PPP2R1B: variants seen among roughly 807,000 people sequenced by gnomAD.
PPP2R1B encodes the protein serine/threonine-protein phosphatase 2A 65 kDa regulatory subunit A beta isoform.
A neutral mutation model predicts 72.7 loss-of-function variants in PPP2R1B; 58 were observed. That is an observed-to-expected ratio of 0.80 (90% CI 0.65 to 0.99). PPP2R1B has a LOEUF of 0.99. Among genes scored for constraint, PPP2R1B ranks in the 50% least tolerant of loss-of-function variants. The pLI is 0.00. For synonymous variants in PPP2R1B, 256 were observed against 264.6 expected (o/e 0.97, Z 0.32); for missense variants, 695 against 733.6 (o/e 0.95, Z 0.61).
chr11:111,703,782 G>A, the PPP2R1B span, among the ~76,000 whole-genome samples: 1 of 152,144 alleles, frequency 6.6e-6, no homozygotes, highest in Non-Finnish European at 1.5e-5. Context: ...TAGGCAAAGG[G>A]CCAAGCAGGA....
At chr11:111,717,642 A>G in the PPP2R1B span, among the ~76,000 whole-genome samples, 1 of 152,230 alleles carries the variant, frequency 6.6e-6, no homozygotes, top group African/African-American at 2.4e-5. Flanking sequence ...TACATGCATG[A>G]GTCTGCTCGT....
rs1945058645 is a variant in PPP2R1B, at chr11:111,755,220, A to T, written c.843+75T>A. The T allele has an allele frequency of 4.3e-5, 67 of 1,543,272 alleles. 1 individual carries two copies. The South Asian group carries it at 7.2e-4, about 17-fold the overall frequency. ...ACTTCCCATTGAAAAGAATTAATTC[A>T]GAAACTTTGGGTACAACAGCAAATC... On this transcript the variant is annotated intron_variant, in intron 6 of 14. Transcript: ENST00000527614.
In PPP2R1B at chr11:111,742,214, G is replaced by A; in HGVS notation, c.1698-70C>T. 3 of 1,166,474 alleles carry A rather than the reference G, an allele frequency of 2.6e-6. No homozygotes were observed. The South Asian group carries it at 4.1e-5, about 16-fold the overall frequency. 72.3% of individuals were successfully genotyped at this position (1,166,474 alleles called of 1,614,324 possible). A position where few individuals can be genotyped will look rare whatever the true frequency, so the allele number is the denominator to read the frequency against. ...ATAGAAATCCTTTTTGGTGTATATGGTTAATGGTAATTGTTAAAATTTAAA... is the reference window on the plus strand; with the variant it reads ...ATAGAAATCCTTTTTGGTGTATATGATTAATGGTAATTGTTAAAATTTAAA... On this transcript the variant is annotated intron_variant, in intron 13 of 14. Transcript: ENST00000527614.
At position 111,740,791 on chromosome 11, in the gene PPP2R1B, C is replaced by A. The variant is rs1591676043; in HGVS notation, c.*805G>T. 1.0e-6 allele frequency: 1 copy of A among 985,228 alleles called. No homozygotes were observed. The highest frequency in any genetic ancestry group is 1.2e-6 in the Non-Finnish European group (1 of 829,876). The allele number at this position is 985,228 out of a possible 1,614,324, so 61.0% of individuals were successfully genotyped here. ...TATCCCTGTGGTTCTTAGACTCATT[C>A]GAAATACAGAACTGCAATCTCACAA... On this transcript the variant is annotated 3_prime_UTR_variant, in exon 15 of 15. Transcript: ENST00000527614.
At chr11:111,716,001 C>T in the PPP2R1B span, among the ~76,000 whole-genome samples, 9 of 152,064 alleles carry the variant, frequency 5.9e-5, no homozygotes, top group Non-Finnish European at 8.8e-5. Context: ...GGGGTTTTGC[C>T]ATGTTGGCCA....
chr11:111,742,791 A>T (rs1024979248), intron 12 of PPP2R1B, 126 bp from the exon 13 acceptor site: 1 of 799,922 alleles, frequency 1.3e-6, no homozygotes, highest in Non-Finnish European at 1.8e-6. Context: ...TGAGCAGCTG[A>T]GTGGGGGACA....
chr11:111,688,228 A>C, the PPP2R1B span: 17 of 1,537,288 alleles, frequency 1.1e-5, no homozygotes, highest in Non-Finnish European at 1.4e-5. The surrounding 1 kb of genome is among the most constrained non-coding windows in gnomAD (Gnocchi z 4.2). Context: ...GTGTGGAAAC[A>C]GACCTGCAGG....
the PPP2R1B span, among the ~76,000 whole-genome samples, chr11:111,690,187 G>T: frequency 6.6e-6 from 1 of 150,676 alleles, no homozygotes; most frequent in South Asian, 2.1e-4. Flanking sequence ...CCAACCTTCT[G>T]TGAGGAACTT....
At position 111,737,917 on chromosome 11, in the gene PPP2R1B, C is replaced by G. The variant is rs934183644; in HGVS notation, c.*3679G>C. 2.8e-6 allele frequency: 3 copies of G among 1,054,130 alleles called. No individual in the cohort carries two copies. Among genetic ancestry groups the G allele is most frequent in the African/African-American group, 1.6e-5 (1 of 60,730 alleles). The allele number at this position is 1,054,130 out of a possible 1,614,324, so 65.3% of individuals were successfully genotyped here. ...CAGTTTAAGAGAACAACTCTGGAGA[C>G]AGAAATGGCTTGGCTTTCCGACGCA... On this transcript the variant is annotated 3_prime_UTR_variant, in exon 15 of 15. Coordinates refer to ENST00000527614, the MANE Select transcript of PPP2R1B (RefSeq NM_002716.5).
At chr11:111,749,452 A>C (rs879999226) in intron 10 of PPP2R1B, among the ~76,000 whole-genome samples, 1 of 151,752 alleles carries the variant, frequency 6.6e-6, no homozygotes, top group Non-Finnish European at 1.5e-5. Context: ...ACACCCGGCT[A>C]AATTTTTTGT....
Position 111,766,384 on chromosome 11 carries a change from G to GTTCTCC in PPP2R1B, c.-24_-23insGGAGAA. Reference sequence around the variant, plus strand: ...CATGTTCTTTCTCCTCCTGCTGCTGGTCACCGCCTCCCGCCCCGCGCCCAG... The same window carrying GTTCTCC: ...CATGTTCTTTCTCCTCCTGCTGCTGGTTCTCCTCACCGCCTCCCGCCCCGCGCCCAG... On this transcript the variant is annotated 5_prime_UTR_variant, in exon 1 of 15. Coordinates refer to ENST00000527614, the MANE Select transcript of PPP2R1B (RefSeq NM_002716.5). 1 of 1,594,464 alleles carries GTTCTCC rather than the reference G, an allele frequency of 6.3e-7. No homozygotes were observed. The highest frequency in any genetic ancestry group is 1.4e-5 in the African/African-American group (1 of 73,510).
chr11:111,751,880 G>A (rs1944918656), intron 10 of PPP2R1B, among the ~76,000 whole-genome samples: 1 of 152,194 alleles, frequency 6.6e-6, no homozygotes, highest in South Asian at 2.1e-4. Context: ...GGGAGGCTGA[G>A]ACAGGAGAAT....
In PPP2R1B at chr11:111,764,918, A is replaced by G. The variant is rs77026396; in HGVS notation, c.206-13T>C. On this transcript the variant is annotated splice_polypyrimidine_tract_variant and intron_variant, in intron 2 of 14. Transcript: ENST00000527614. ...TCATAAATTGTATCTGGAAGTGACA[A>G]CAACAGGACTCATCAACATGGATAG... The G allele has an allele frequency of 0.019, 31,338 of 1,613,050 alleles. 367 individuals carry two copies. The highest frequency in any genetic ancestry group is 0.023 in the Non-Finnish European group (26,965 of 1,179,816).
chr11:111,744,128 A>T (rs1023251408), intron 11 of PPP2R1B, among the ~76,000 whole-genome samples: 2 of 152,232 alleles, frequency 1.3e-5, no homozygotes, highest in Non-Finnish European at 2.9e-5. Flanking sequence ...TAAGTTAGAC[A>T]ATTAGGGTGG....
At chr11:111,760,249 CA>C (rs1474009504) in intron 4 of PPP2R1B, among the ~76,000 whole-genome samples, 1 of 152,100 alleles carries the variant, frequency 6.6e-6, no homozygotes, top group Non-Finnish European at 1.5e-5. Context: ...ATCTATATGC[CA>C]AAAATATTTT....
At chr11:111,703,522 C>T in the PPP2R1B span, 800 of 1,013,104 alleles carry the variant, frequency 7.9e-4, no homozygotes, top group Non-Finnish European at 1.1e-3. Context: ...GTATCTCCAG[C>T]GCCTAGGCGT....
downstream of PPP2R1B, chr11:111,722,846 C>A: frequency 8.3e-7 from 1 of 1,201,236 alleles, no homozygotes; most frequent in Non-Finnish European, 1.2e-6. This position sits in a 1 kb window ranked among gnomAD's most constrained non-coding sequence, Gnocchi z 4.4. Context: ...CTCACATTCG[C>A]CACTACTAGG....
intron 3 of PPP2R1B, among the ~76,000 whole-genome samples, chr11:111,762,305 T>C (rs1384165361): frequency 6.6e-6 from 1 of 152,208 alleles, no homozygotes; most frequent in Non-Finnish European, 1.5e-5. Flanking sequence ...AGTATTCAGC[T>C]TTCCTAGAAG....
Position 111,740,460 on chromosome 11 carries a change from T to C in PPP2R1B, c.*1136A>G. The C allele has an allele frequency of 2.0e-6, 2 of 982,746 alleles. No homozygotes were observed. Among genetic ancestry groups the C allele is most frequent in the Non-Finnish European group, 2.4e-6 (2 of 827,552 alleles). 60.9% of individuals were successfully genotyped at this position (982,746 alleles called of 1,614,324 possible). A position where few individuals can be genotyped will look rare whatever the true frequency, so the allele number is the denominator to read the frequency against. On this transcript the variant is annotated 3_prime_UTR_variant, in exon 15 of 15. Coordinates refer to ENST00000527614, the MANE Select transcript of PPP2R1B (RefSeq NM_002716.5). The stretch of plus-strand genomic sequence containing the variant: ...ATCTCGAATTCTTGACCTCAAATGA[T>C]CCCAAATAGGTGCTTTTTAAAAAGG...
Sources: gnomAD v4.1 joint callset for allele counts (sites outside exome capture counted in the v4.1 genomes callset) on GRCh38, gnomAD v4.1.1 for gene constraint, Gnocchi (gnomAD v3.1) non-coding constraint, MANE v1.5 for transcripts, NCBI Gene and HGNC (gene_info 2026-07-23, HGNC 2026-07-21) for gene names.